PI4K2B: variants seen among roughly 807,000 people sequenced by gnomAD.
PI4K2B encodes phosphatidylinositol 4-kinase type 2-beta.
Under a neutral mutation model 56.6 loss-of-function variants are expected in PI4K2B, and 46 were observed. The ratio of observed to expected loss-of-function variants is 0.81; its 90% confidence interval spans 0.64 to 1.04. The LOEUF (loss-of-function observed/expected upper bound fraction) is 1.04. Ranked by LOEUF, PI4K2B falls within the 50% of genes least tolerant of loss-of-function variation. The probability of loss-of-function intolerance (pLI) is 0.00; values close to 1 mark genes in which losing one functional copy is unlikely to be tolerated. For synonymous variants in PI4K2B, 211 were observed against 223.8 expected (o/e 0.94, Z 0.51); for missense variants, 556 against 607.7 (o/e 0.91, Z 0.89).
At chr4:25,275,641 A>G (rs2109027762) in intron 9 of PI4K2B, among the ~76,000 whole-genome samples, 1 of 152,322 alleles carries the variant, frequency 6.6e-6, no homozygotes, top group Non-Finnish European at 1.5e-5. Context: ...CCTGGGTGAC[A>G]GAGCAAGACC....
intron 1 of PI4K2B, among the ~76,000 whole-genome samples, chr4:25,236,147 T>G (rs1715250771): frequency 6.6e-6 from 1 of 151,886 alleles, no homozygotes; most frequent in South Asian, 2.1e-4. Flanking sequence ...AAAAAATATT[T>G]TATTCTCCAC....
rs1717136998 is a variant in PI4K2B at position 25,277,187 on chromosome 4, G to A, written c.1446G>A (p.Ter482=). 6.2e-7 allele frequency: 1 copy of A among 1,609,614 alleles called. No homozygotes were observed. The highest frequency in any genetic ancestry group is 1.7e-5 in the Admixed American group (1 of 59,924). ...GGAAGCCATTTTTTTCCTCCTGGTA[G>A]TAAATGTCAGAGTAAGAGAAACAAA... ...NCRKPFFSSW[*] The change falls in exon 10 of 10, where the codon TAG becomes TAA. Residue 482 remains the stop codon, a stop_retained_variant. Transcript: ENST00000264864.
chr4:25,262,654 T>G (rs1716521864), intron 6 of PI4K2B, among the ~76,000 whole-genome samples: 1 of 152,230 alleles, frequency 6.6e-6, no homozygotes, highest in African/African-American at 2.4e-5. Context: ...CACACACTTT[T>G]AACTTTATTC....
intron 9 of PI4K2B, among the ~76,000 whole-genome samples, chr4:25,269,722 TG>T (rs1716804804): frequency 6.6e-6 from 1 of 152,002 alleles, no homozygotes; most frequent in African/African-American, 2.4e-5. Flanking sequence ...TTTTTGTTTT[TG>T]TTTTTTTTGA....
chr4:25,249,417 C>A (rs561288038), intron 1 of PI4K2B, among the ~76,000 whole-genome samples: 22 of 137,176 alleles, frequency 1.6e-4, no homozygotes, highest in African/African-American at 5.7e-4. Context: ...ACCCCCCGGA[C>A]AGGGCGGCTG....
intron 2 of PI4K2B, among the ~76,000 whole-genome samples, chr4:25,254,806 C>G (rs185900824): frequency 6.6e-6 from 1 of 152,198 alleles, no homozygotes; most frequent in East Asian, 1.9e-4. Context: ...TGGAGCCTTG[C>G]CCCCACCTTC....
At chr4:25,272,549 C>T (rs75109395) in intron 9 of PI4K2B, among the ~76,000 whole-genome samples, 7,651 of 151,952 alleles carry the variant, frequency 0.05, 285 homozygotes, top group South Asian at 0.13. Flanking sequence ...TGGCTGTTGT[C>T]CCAGCTACTT....
At chr4:25,275,327 A>G (rs1324146341) in intron 9 of PI4K2B, among the ~76,000 whole-genome samples, 1 of 152,198 alleles carries the variant, frequency 6.6e-6, no homozygotes, top group Non-Finnish European at 1.5e-5. Context: ...CAAATTTCAT[A>G]AATTCTTTTT....
intron 1 of PI4K2B, among the ~76,000 whole-genome samples, chr4:25,238,494 G>A (rs546298495): frequency 1.2e-4 from 19 of 152,226 alleles, no homozygotes; most frequent in Middle Eastern, 3.4e-3. Context: ...ATGGACCCTC[G>A]CGGTTAGTGT....
At chr4:25,249,953 T>G (rs758814855) in intron 1 of PI4K2B, among the ~76,000 whole-genome samples, 113 of 152,282 alleles carry the variant, frequency 7.4e-4, no homozygotes, top group Admixed American at 1.7e-3. Flanking sequence ...TGAGCGAGAC[T>G]CCGTTTGCAA....
intron 9 of PI4K2B, among the ~76,000 whole-genome samples, chr4:25,270,963 G>A (rs1269265456): frequency 6.6e-6 from 1 of 152,168 alleles, no homozygotes; most frequent in African/African-American, 2.4e-5. Flanking sequence ...TTCACCAAAT[G>A]TTTATTGACA....
intron 2 of PI4K2B, chr4:25,254,515 G>A (rs976833347): frequency 6.4e-6 from 1 of 155,676 alleles, no homozygotes; most frequent in Admixed American, 6.6e-5. Flanking sequence ...CTGGGTTCAT[G>A]CCATTCTCCA....
intron 9 of PI4K2B, among the ~76,000 whole-genome samples, chr4:25,275,199 A>T (rs1178508656): frequency 6.6e-6 from 1 of 152,246 alleles, no homozygotes. Context: ...ATTTAGGCTA[A>T]CATTTTTAGA....
At position 25,255,106 on chromosome 4, in the gene PI4K2B, T is replaced by G; in HGVS notation, c.465T>G (p.Tyr155Ter). 6.2e-7 allele frequency: 1 copy of G among 1,614,104 alleles called. No individual in the cohort carries two copies. The highest frequency in any genetic ancestry group is 1.3e-5 in the African/African-American group (1 of 75,058). The stretch of plus-strand genomic sequence containing the variant: ...TTAAACCCAAATCAGAAGAGCCTTA[T>G]GGTCAACTCAATCCAAAATGGACCA... The part of the protein sequence containing the change: ...GVFKPKSEEP[Y>*]GQLNPKWTKY... The change falls in exon 3 of 10, where the codon TAT becomes TAG. Residue 155 changes from tyrosine to a stop codon, truncating the protein, a stop_gained. Coordinates refer to ENST00000264864, the MANE Select transcript of PI4K2B (RefSeq NM_018323.4). LOFTEE classifies it high-confidence loss of function.
chr4:25,238,818 A>C (rs577444217), intron 1 of PI4K2B, among the ~76,000 whole-genome samples: 2 of 152,276 alleles, frequency 1.3e-5, no homozygotes, highest in South Asian at 2.1e-4. Context: ...CAAAGCTTCC[A>C]CAGTGTGGAA....
chr4:25,271,623 A>G (rs1350372734), intron 9 of PI4K2B, among the ~76,000 whole-genome samples: 1 of 152,124 alleles, frequency 6.6e-6, no homozygotes, highest in Non-Finnish European at 1.5e-5. Flanking sequence ...AACTTATTTG[A>G]GCTAAATTTT....
intron 1 of PI4K2B, among the ~76,000 whole-genome samples, chr4:25,251,621 G>A (rs1034474755): frequency 2.0e-5 from 3 of 152,072 alleles, no homozygotes; most frequent in South Asian, 4.1e-4. Context: ...GACTGAACTG[G>A]GAAGACAGGA....
intron 1 of PI4K2B, among the ~76,000 whole-genome samples, chr4:25,237,686 G>C (rs1715324173): frequency 6.6e-6 from 1 of 152,162 alleles, no homozygotes; most frequent in South Asian, 2.1e-4. Context: ...GAAAGTATAG[G>C]GAGAGGCTGG....
chr4:25,237,329 G>A (rs1429050138), intron 1 of PI4K2B, among the ~76,000 whole-genome samples: 3 of 135,770 alleles, frequency 2.2e-5, no homozygotes, highest in African/African-American at 8.5e-5. Flanking sequence ...CCTGTGATGT[G>A]AGTACTATTT....
Sources: allele counts gnomAD v4.1 joint callset (sites outside exome capture counted in the v4.1 genomes callset), GRCh38; gene constraint gnomAD v4.1.1; transcripts MANE v1.5; gene names NCBI Gene and HGNC (gene_info 2026-07-23, HGNC 2026-07-21).